KRIT1: variants seen among roughly 807,000 people sequenced by gnomAD.
KRIT1 encodes the protein KRIT1 ankyrin repeat containing.
KRIT1 carries 45 observed loss-of-function variants against 95.8 expected under a neutral mutation model. The ratio of observed to expected loss-of-function variants is 0.47; its 90% CI spans 0.37 to 0.60. The LOEUF is 0.60. KRIT1 is among the 20% of genes least tolerant of loss of function. The pLI is 0.00. For missense variants in KRIT1, 788 were observed against 877.5 expected (o/e 0.90, Z 1.29); for synonymous variants, 282 against 278.8 (o/e 1.01, Z -0.11).
chr7:92,205,756 C>G (rs1217542914), intron 17 of KRIT1: 1 of 152,112 alleles, frequency 6.6e-6, no homozygotes. Context: ...CAAAATGAAA[C>G]AAATTAGATT....
Position 92,214,661 on chromosome 7 carries a change from T to G in KRIT1, c.1680A>C (p.Gln560His). ...KLITLASLLLQIVYGNYESKK... is the reference protein window; with the variant it reads ...KLITLASLLLHIVYGNYESKK... ...TACTCTCATAATTTCCATAGACTAT[T>G]TGCAAAAGCAGACTTGCCAATGTTA... The change falls in exon 15 of 19, where the codon CAA (glutamine) becomes CAC (histidine). Residue 560 changes from glutamine (Q) to histidine (H), a missense_variant. Physicochemically the swap from Gln to His is conservative, Grantham distance 24 (BLOSUM62 0). Coordinates refer to ENST00000394505, the MANE Select transcript of KRIT1 (RefSeq NM_194454.3). 6.2e-7 allele frequency: 1 copy of G among 1,613,174 alleles called. No homozygotes were observed. Among genetic ancestry groups the G allele is most frequent in the Non-Finnish European group, 8.5e-7 (1 of 1,179,212 alleles).
chr7:92,229,719 CTTCT>C (rs1796902968), intron 10 of KRIT1, among the ~76,000 whole-genome samples: 1 of 152,098 alleles, frequency 6.6e-6, no homozygotes, highest in African/African-American at 2.4e-5. Flanking sequence ...TCTATTTTTG[CTTCT>C]TTTTTGTGAC....
rs1584804249 is a variant in KRIT1 at position 92,214,492 on chromosome 7, T to C, written c.1730+119A>G. 2.0e-5 allele frequency: 15 copies of C among 742,520 alleles called. No homozygotes were observed. The East Asian group carries it at 3.5e-4, about 17-fold the overall frequency. The allele number at this position is 742,520 out of a possible 1,614,324, so 46.0% of individuals were successfully genotyped here. The stretch of plus-strand genomic sequence containing the variant: ...ATATTTTTTCTCATTCTATGTCTTA[T>C]ATTATTTAATTCCAAACCAATGTAA... On this transcript the variant is annotated intron_variant, in intron 15 of 18. Coordinates refer to ENST00000394505, the MANE Select transcript of KRIT1 (RefSeq NM_194454.3).
In KRIT1 at chr7:92,243,226, C is replaced by T. The variant is rs372219095; in HGVS notation, c.-3+776G>A. Among the ~76,000 whole-genome samples, 14 of 152,232 alleles carry T rather than the reference C, an allele frequency of 9.2e-5. No individual in the cohort carries two copies. In the South Asian group the frequency reaches 2.1e-3, roughly 23 times the overall value. On this transcript the variant is annotated intron_variant, in intron 3 of 18. Coordinates refer to ENST00000394505, the MANE Select transcript of KRIT1 (RefSeq NM_194454.3). The stretch of plus-strand genomic sequence containing the variant: ...TCTTAAGTCTCCATTGCGCAATTTC[C>T]AACAAGTGACTGAATTTCAACCACA...
intron 8 of KRIT1, among the ~76,000 whole-genome samples, 184 bp downstream of exon 8, chr7:92,235,219 C>G (rs1481782708): frequency 6.6e-6 from 1 of 152,086 alleles, no homozygotes; most frequent in Non-Finnish European, 1.5e-5. Flanking sequence ...AGGCTGGTCT[C>G]GAACTCCTGA....
chr7:92,213,902 T>C lies in KRIT1; in HGVS notation c.1808A>G (p.His603Arg). ...TATTAAACAGCTTACCTTGTATTCATGAAGTATGCGATTTGTCCAGTGAGG... is the reference window on the plus strand; with the variant it reads ...TATTAAACAGCTTACCTTGTATTCACGAAGTATGCGATTTGTCCAGTGAGG... ...KAPHWTNRIL[H>R]EYKNLSTSEG... The change falls in exon 16 of 19, where the codon CAT becomes CGT. Residue 603 changes from histidine to arginine, a missense_variant. Physicochemically the swap from His to Arg is conservative, Grantham distance 29. This residue lies in a region of KRIT1 where 493 missense variants were observed against 582.3 expected (regional missense o/e 0.85). Coordinates refer to ENST00000394505, the MANE Select transcript of KRIT1 (RefSeq NM_194454.3). The C allele has an allele frequency of 1.9e-6, 3 of 1,590,164 alleles. No individual in the cohort carries two copies. Among genetic ancestry groups the C allele is most frequent in the Non-Finnish European group, 2.6e-6 (3 of 1,158,282 alleles).
At chr7:92,214,398 A>G (rs1477774381) in intron 15 of KRIT1, among the ~76,000 whole-genome samples, 1 of 152,124 alleles carries the variant, frequency 6.6e-6, no homozygotes, top group African/African-American at 2.4e-5. Flanking sequence ...AATATAAAGT[A>G]TATCAAACTA....
intron 4 of KRIT1, among the ~76,000 whole-genome samples, chr7:92,241,550 A>G (rs1799643960): frequency 6.6e-6 from 1 of 151,996 alleles, no homozygotes; most frequent in African/African-American, 2.4e-5. Context: ...AACAAGTTAT[A>G]TATATGTATA....
intron 10 of KRIT1, among the ~76,000 whole-genome samples, chr7:92,232,709 T>C (rs1797567271): frequency 6.6e-6 from 1 of 152,192 alleles, no homozygotes; most frequent in Non-Finnish European, 1.5e-5. Context: ...TTTCCTTTTT[T>C]TTGAGATGGA....
In KRIT1 at chr7:92,240,985, T is replaced by C; in HGVS notation, c.262+8A>G. On this transcript the variant is annotated splice_region_variant and intron_variant, in intron 5 of 18. Transcript: ENST00000394505. ...AACAATGTGTTTTTTAAAAAAGAAG[T>C]TTCCTACCTCTGATACCCTGGTTTG... is the stretch of plus-strand genomic sequence containing the variant. The C allele has an allele frequency of 6.2e-7, 1 of 1,600,838 alleles. No individual in the cohort carries two copies.
chr7:92,218,781 A>G (rs926733526), intron 14 of KRIT1, among the ~76,000 whole-genome samples: 5 of 152,054 alleles, frequency 3.3e-5, no homozygotes, highest in African/African-American at 7.2e-5. Flanking sequence ...ATTTTCTCCC[A>G]TTCTGTTGCT....
chr7:92,224,116 G>A (rs1795733554), intron 12 of KRIT1, among the ~76,000 whole-genome samples: 1 of 152,136 alleles, frequency 6.6e-6, no homozygotes, highest in African/African-American at 2.4e-5. Flanking sequence ...AACATTAAAG[G>A]CAGAGACCAT....
chr7:92,220,842 C>T (rs937614980), intron 14 of KRIT1, among the ~76,000 whole-genome samples: 1 of 151,386 alleles, frequency 6.6e-6, no homozygotes, highest in Non-Finnish European at 1.5e-5. Context: ...TACAGGCGCC[C>T]ACCACCATGC....
At chr7:92,234,150 GA>G (rs1166320718) in intron 10 of KRIT1, among the ~76,000 whole-genome samples, 1 of 152,154 alleles carries the variant, frequency 6.6e-6, no homozygotes, top group Non-Finnish European at 1.5e-5. Context: ...CAAAACAAGA[GA>G]AACTGCAAGG....
intron 6 of KRIT1, 147 bp downstream of exon 6, chr7:92,237,520 G>C (rs1297418037): frequency 4.9e-6 from 2 of 411,246 alleles, no homozygotes; most frequent in Admixed American, 4.0e-5. Context: ...ACATCTTTAA[G>C]TAACATATTT....
intron 8 of KRIT1, 51 bp downstream of exon 8, chr7:92,235,352 C>T: frequency 1.3e-6 from 2 of 1,584,892 alleles, no homozygotes; most frequent in Non-Finnish European, 1.7e-6. Context: ...AAAAATTACA[C>T]TTGAGATAAA....
intron 3 of KRIT1, 48 bp from the exon 4 acceptor site, chr7:92,242,185 T>A (rs1244256420): frequency 1.9e-6 from 2 of 1,033,024 alleles, no homozygotes; most frequent in African/African-American, 3.1e-5. Flanking sequence ...AATGACACAT[T>A]TGATGGCAAG....
chr7:92,208,911 C>T (rs1172630841), intron 17 of KRIT1, among the ~76,000 whole-genome samples: 2 of 151,912 alleles, frequency 1.3e-5, no homozygotes, highest in Non-Finnish European at 2.9e-5. Flanking sequence ...AAGAGTCCAA[C>T]AGTCCTGAAA....
rs34910226 is a variant in KRIT1, at chr7:92,200,357, ATT to A, written c.*377_*378del. The A allele has an allele frequency of 1.5e-3, 322 of 219,000 alleles. No individual in the cohort carries two copies. The highest frequency in any genetic ancestry group is 2.9e-3 in the South Asian group (44 of 15,422). 13.6% of individuals were successfully genotyped at this position (219,000 alleles called of 1,614,324 possible). ...GAGACTATATGCCTTGTTGAAAGTA[ATT>A]TTTTTTTTTTTTTGAGATGGAGTCT... On this transcript the variant is annotated 3_prime_UTR_variant, in exon 19 of 19. Coordinates refer to ENST00000394505, the MANE Select transcript of KRIT1 (RefSeq NM_194454.3).
Sources: allele counts gnomAD v4.1 joint callset (sites outside exome capture counted in the v4.1 genomes callset), GRCh38; gene constraint gnomAD v4.1.1; regional missense constraint gnomAD v4.1.1; transcripts MANE v1.5; gene names NCBI Gene and HGNC (gene_info 2026-07-23, HGNC 2026-07-21).